ANKRD6: variants seen among roughly 807,000 people sequenced by gnomAD.
ANKRD6 encodes ankyrin repeat domain-containing protein 6.
A neutral mutation model predicts 82.3 loss-of-function variants in ANKRD6; 56 were observed. The ratio of observed to expected loss-of-function variants is 0.68; its 90% CI spans 0.55 to 0.85. The LOEUF is 0.85. Among genes scored for constraint, ANKRD6 ranks in the 40% least tolerant of loss-of-function variants. The pLI is 0.00. For synonymous variants in ANKRD6, 347 were observed against 352.1 expected (o/e 0.99, Z 0.16); for missense variants, 852 against 907.6 (o/e 0.94, Z 0.79).
At chr6:89,509,517 C>T (rs1780285604) in intron 1 of ANKRD6, among the ~76,000 whole-genome samples, 1 of 152,200 alleles carries the variant, frequency 6.6e-6, no homozygotes, top group South Asian at 2.1e-4. Flanking sequence ...TTTTCTGTTA[C>T]TGAGGGCTGC....
At chr6:89,630,252 C>CA (rs1807070153) in intron 15 of ANKRD6, among the ~76,000 whole-genome samples, 181 bp from the exon 16 acceptor site, 1 of 152,056 alleles carries the variant, frequency 6.6e-6, no homozygotes, top group Admixed American at 6.5e-5. Context: ...TCAGAGGAGA[C>CA]AAAGTGGAAG....
At chr6:89,581,716 C>G (rs1792578012) in intron 2 of ANKRD6, 1 of 152,234 alleles carries the variant, frequency 6.6e-6, no homozygotes, top group South Asian at 2.1e-4. Context: ...CCTCTCCTCC[C>G]CTTCCCCATC....
At chr6:89,523,302 G>A (rs374663430) in intron 1 of ANKRD6, among the ~76,000 whole-genome samples, 8 of 152,314 alleles carry the variant, frequency 5.3e-5, no homozygotes, top group African/African-American at 1.9e-4. Context: ...GCCAGGGATG[G>A]AGGGCCAGCT....
intron 1 of ANKRD6, among the ~76,000 whole-genome samples, chr6:89,546,084 G>A (rs1487681299): frequency 6.6e-6 from 1 of 152,142 alleles, no homozygotes; most frequent in African/African-American, 2.4e-5. Context: ...TGGGATTACG[G>A]CGTGAGCCAC....
chr6:89,435,780 A>T (rs1770569005), intron 1 of ANKRD6, among the ~76,000 whole-genome samples: 1 of 152,236 alleles, frequency 6.6e-6, no homozygotes, highest in African/African-American at 2.4e-5. Flanking sequence ...TTTTTTAAAA[A>T]TGCAAATTAT....
intron 1 of ANKRD6, among the ~76,000 whole-genome samples, chr6:89,460,967 C>G (rs1405101290): frequency 6.8e-6 from 1 of 147,892 alleles, no homozygotes. Flanking sequence ...GTAAGCTGTT[C>G]ACAGCTCACT....
chr6:89,506,530 C>T (rs1363898372), intron 1 of ANKRD6, among the ~76,000 whole-genome samples: 1 of 152,064 alleles, frequency 6.6e-6, no homozygotes, highest in African/African-American at 2.4e-5. Context: ...GGCCGGGCTG[C>T]TCTTGAACTC....
Position 89,629,141 on chromosome 6 carries a change from G to T in ANKRD6, c.1515G>T (p.Trp505Cys). 1 of 1,613,522 alleles carries T rather than the reference G, an allele frequency of 6.2e-7. No individual in the cohort carries two copies. The highest frequency in any genetic ancestry group is 2.2e-5 in the East Asian group (1 of 44,874). ...CCTTGGTGGATGAATTAAAAACCTG[G>T]TGCATGTTAAAGATTCAGAATCTGG... ...QISLVDELKT[W>C]CMLKIQNLEQ... Residue 505 changes from tryptophan to cysteine, a missense_variant, in exon 15 of 16, where the codon TGG (tryptophan) becomes TGT (cysteine). Transcript: ENST00000339746.
chr6:89,484,066 C>G (rs1342976999), intron 1 of ANKRD6, among the ~76,000 whole-genome samples: 1 of 152,124 alleles, frequency 6.6e-6, no homozygotes. Context: ...CACCACCATG[C>G]CCTGCTAATT....
intron 10 of ANKRD6, among the ~76,000 whole-genome samples, chr6:89,623,207 G>A (rs200892625): frequency 1.3e-5 from 2 of 152,086 alleles, no homozygotes; most frequent in African/African-American, 4.8e-5. Flanking sequence ...TACAATAAAA[G>A]CCAAATGTTC....
intron 1 of ANKRD6, among the ~76,000 whole-genome samples, chr6:89,445,126 G>A (rs12215741): frequency 0.097 from 14,712 of 152,044 alleles, 958 homozygotes; most frequent in Middle Eastern, 0.2. Flanking sequence ...TGTGTTGAGC[G>A]TCTATCAATA....
intron 2 of ANKRD6, 75 bp from the exon 3 acceptor site, chr6:89,595,841 C>A: frequency 8.2e-7 from 1 of 1,225,376 alleles, no homozygotes; most frequent in Non-Finnish European, 1.2e-6. Context: ...GCAAACCTTG[C>A]TCTAGGCCCT....
rs768295277 is a variant in ANKRD6 at position 89,623,493 on chromosome 6, C to T, written c.981C>T (p.Ala327=). The change falls in exon 11 of 16, where the codon GCC becomes GCT. Residue 327 remains alanine (A), a synonymous_variant. Coordinates refer to ENST00000339746, the MANE Select transcript of ANKRD6 (RefSeq NM_001242809.2). Reference sequence around the variant, plus strand: ...AAGCCAGAGAAGAGTTCCTGTCAGCCTCCCCAGAACCCAGAGCAAAGGATG... The same window carrying T: ...AAGCCAGAGAAGAGTTCCTGTCAGCTTCCCCAGAACCCAGAGCAAAGGATG... ...KEEAREEFLS[A]SPEPRAKDDR... 13 of 1,597,834 alleles carry T rather than the reference C, an allele frequency of 8.1e-6. No individual in the cohort carries two copies. The highest frequency in any genetic ancestry group is 1.0e-5 in the Non-Finnish European group (12 of 1,172,106).
intron 1 of ANKRD6, among the ~76,000 whole-genome samples, chr6:89,452,013 A>C (rs1048950137): frequency 1.3e-5 from 2 of 152,188 alleles, no homozygotes; most frequent in African/African-American, 4.8e-5. Flanking sequence ...CCTGGGAAAC[A>C]GCAAGACCCC....
At chr6:89,459,853 G>A (rs1407554275) in intron 1 of ANKRD6, among the ~76,000 whole-genome samples, 2 of 151,940 alleles carry the variant, frequency 1.3e-5, no homozygotes, top group East Asian at 3.9e-4. Flanking sequence ...GACGTATCAG[G>A]CTCTATCTTC....
Position 89,631,144 on chromosome 6 carries a change from A to G in ANKRD6, c.*140A>G. 3 of 1,367,048 alleles carry G rather than the reference A, an allele frequency of 2.2e-6. No homozygotes were observed. Among genetic ancestry groups the G allele is most frequent in the South Asian group, 3.6e-5 (2 of 55,234 alleles). 84.7% of individuals were successfully genotyped at this position (1,367,048 alleles called of 1,614,324 possible). ...AAAATCACTAATTCTACAATGTGCCAGATACATGTTTCCTATGCCCAGGAA... is the reference window on the plus strand; with the variant it reads ...AAAATCACTAATTCTACAATGTGCCGGATACATGTTTCCTATGCCCAGGAA... On this transcript the variant is annotated 3_prime_UTR_variant, in exon 16 of 16. Coordinates refer to ENST00000339746, the MANE Select transcript of ANKRD6 (RefSeq NM_001242809.2).
At chr6:89,524,820 G>T (rs1782272175) in intron 1 of ANKRD6, among the ~76,000 whole-genome samples, 1 of 151,950 alleles carries the variant, frequency 6.6e-6, no homozygotes. Context: ...TTTCCATAGT[G>T]GTTGTACTAG....
At chr6:89,605,920 C>A (rs932850963) in intron 4 of ANKRD6, 87 bp from the exon 5 acceptor site, 2 of 911,034 alleles carry the variant, frequency 2.2e-6, no homozygotes, top group Non-Finnish European at 3.1e-6. Context: ...TCTGGTGTTC[C>A]GTAAAAATCC....
At chr6:89,600,764 G>A (rs555812647) in intron 3 of ANKRD6, among the ~76,000 whole-genome samples, 1 of 152,266 alleles carries the variant, frequency 6.6e-6, no homozygotes, top group East Asian at 1.9e-4. Flanking sequence ...GGCCAGGCAC[G>A]GTGGCTCGCG....
Sources: allele counts gnomAD v4.1 joint callset (sites outside exome capture counted in the v4.1 genomes callset), GRCh38; gene constraint gnomAD v4.1.1; transcripts MANE v1.5; gene names NCBI Gene and HGNC (gene_info 2026-07-23, HGNC 2026-07-21).